YAP1: variants seen among roughly 807,000 people sequenced by gnomAD.
YAP1 encodes transcriptional coactivator YAP1.
Under a neutral mutation model 56.9 loss-of-function variants are expected in YAP1, and 5 were observed. The observed-to-expected ratio is 0.09, with a 90% CI of 0.05 to 0.18. YAP1 has a LOEUF of 0.18. Among genes scored for constraint, YAP1 ranks in the 10% least tolerant of loss-of-function variants. The pLI is 1.00. For missense variants in YAP1, 539 were observed against 651.8 expected (o/e 0.83, Z 1.88); for synonymous variants, 265 against 248.1 (o/e 1.07, Z -0.64).
chr11:102,196,874 T>G (rs1167317243), intron 4 of YAP1, among the ~76,000 whole-genome samples: 2 of 152,218 alleles, frequency 1.3e-5, no homozygotes. Context: ...CGTCTTTTCC[T>G]TTTCTTTTGT....
intron 3 of YAP1, among the ~76,000 whole-genome samples, chr11:102,183,739 T>TGTGTGTGTGTG (rs1565241068): frequency 8.0e-5 from 12 of 150,634 alleles, no homozygotes; most frequent in South Asian, 2.1e-4. Context: ...TGTGTGTGTG[T>TGTGTGTGTGTG]TTAAACCACA....
At chr11:102,112,790 T>C (rs1943040684) in intron 1 of YAP1, 5 of 984,886 alleles carry the variant, frequency 5.1e-6, no homozygotes, top group Middle Eastern at 5.2e-4. Flanking sequence ...TATGGACTCA[T>C]TGTGGGTAAA....
chr11:102,149,025 A>G (rs991341254), intron 2 of YAP1, among the ~76,000 whole-genome samples: 3 of 152,100 alleles, frequency 2.0e-5, no homozygotes, highest in South Asian at 2.1e-4. Context: ...TGGTATTCTG[A>G]TATCTTTTAC....
intron 2 of YAP1, among the ~76,000 whole-genome samples, chr11:102,115,989 CTCT>C (rs1179883582): frequency 6.6e-6 from 1 of 152,172 alleles, no homozygotes; most frequent in Admixed American, 6.5e-5. Flanking sequence ...AACATTTATG[CTCT>C]TCTTCTTAGT....
At chr11:102,161,327 C>T (rs982032743) in intron 2 of YAP1, among the ~76,000 whole-genome samples, 1 of 142,894 alleles carries the variant, frequency 7.0e-6, no homozygotes, top group African/African-American at 2.6e-5. Context: ...CTCCCAGAGT[C>T]TTTCTGTGTA....
chr11:102,182,695 G>GT (rs1451802583), intron 3 of YAP1, among the ~76,000 whole-genome samples: 1 of 152,174 alleles, frequency 6.6e-6, no homozygotes, highest in Non-Finnish European at 1.5e-5. Context: ...GACAAAGATA[G>GT]TGTGGTGAAA....
At chr11:102,224,654 A>G (rs1023793410) in intron 7 of YAP1, among the ~76,000 whole-genome samples, 14 of 147,890 alleles carry the variant, frequency 9.5e-5, no homozygotes, top group Admixed American at 5.5e-4. Context: ...ATTTAGTGCA[A>G]TAGAATTCAC....
intron 2 of YAP1, among the ~76,000 whole-genome samples, chr11:102,147,364 CAT>C (rs1945386096): frequency 6.6e-6 from 1 of 152,242 alleles, no homozygotes; most frequent in Admixed American, 6.5e-5. Context: ...AAGAGATAAA[CAT>C]ATTATAGTAA....
At chr11:102,146,788 C>G (rs555785350) in intron 2 of YAP1, among the ~76,000 whole-genome samples, 1 of 152,146 alleles carries the variant, frequency 6.6e-6, no homozygotes, top group African/African-American at 2.4e-5. Flanking sequence ...TCTGTGCTTG[C>G]CTTGCTTCTG....
At position 102,231,314 on chromosome 11, in the gene YAP1, A is replaced by G. The variant is rs1950428886; in HGVS notation, c.*1374A>G. ...TTTTCTTTGCCTTAGTTTTGGAAGT[A>G]AATTCTAGTTTGTAGTTCTCATTTG... On this transcript the variant is annotated 3_prime_UTR_variant, in exon 9 of 9. Transcript: ENST00000282441. 1 of 152,372 alleles carries G rather than the reference A, an allele frequency of 6.6e-6. No homozygotes were observed. Among genetic ancestry groups the G allele is most frequent in the South Asian group, 2.1e-4 (1 of 4,830 alleles). 9.4% of individuals were successfully genotyped at this position (152,372 alleles called of 1,614,324 possible).
intron 4 of YAP1, among the ~76,000 whole-genome samples, chr11:102,195,353 A>AG (rs1948519397): frequency 6.6e-6 from 1 of 152,096 alleles, no homozygotes; most frequent in African/African-American, 2.4e-5. Context: ...TTATGGTTGG[A>AG]GGAGGGGGAA....
intron 2 of YAP1, among the ~76,000 whole-genome samples, chr11:102,153,313 A>G (rs969651602): frequency 1.7e-4 from 26 of 152,214 alleles, no homozygotes; most frequent in Admixed American, 1.7e-3. Context: ...AGTGATTCAC[A>G]GATGGTTAAA....
chr11:102,117,618 G>A (rs532467693), intron 2 of YAP1, among the ~76,000 whole-genome samples: 8 of 152,250 alleles, frequency 5.3e-5, no homozygotes, highest in South Asian at 2.1e-4. Flanking sequence ...GCAATCATTC[G>A]TTGTTTTAAA....
At chr11:102,154,380 G>T (rs1324523635) in intron 2 of YAP1, among the ~76,000 whole-genome samples, 1 of 151,984 alleles carries the variant, frequency 6.6e-6, no homozygotes, top group East Asian at 1.9e-4. Context: ...TTGTAATTTG[G>T]TATTGAAAGA....
chr11:102,116,979 C>T (rs1943324924), intron 2 of YAP1, among the ~76,000 whole-genome samples: 1 of 152,074 alleles, frequency 6.6e-6, no homozygotes, highest in African/African-American at 2.4e-5. Flanking sequence ...AGAGTATCTG[C>T]TTTATGAACA....
chr11:102,164,759 G>A (rs562907576), intron 3 of YAP1, among the ~76,000 whole-genome samples: 15 of 151,860 alleles, frequency 9.9e-5, no homozygotes, highest in Non-Finnish European at 1.8e-4. Context: ...TTTTGCTCTT[G>A]TAGCCCAGGC....
intron 3 of YAP1, among the ~76,000 whole-genome samples, chr11:102,171,479 CTT>C (rs1427945295): frequency 6.6e-6 from 1 of 152,170 alleles, no homozygotes; most frequent in Admixed American, 6.5e-5. Context: ...AGGTTAAAAT[CTT>C]AATGAAAGGT....
At chr11:102,194,480 T>G (rs144336156) in intron 4 of YAP1, among the ~76,000 whole-genome samples, 1 of 152,332 alleles carries the variant, frequency 6.6e-6, no homozygotes, top group Non-Finnish European at 1.5e-5. Context: ...GAGAAACTAT[T>G]TTAGGATTTA....
chr11:102,145,442 A>G (rs538454002), intron 2 of YAP1, among the ~76,000 whole-genome samples: 6 of 152,322 alleles, frequency 3.9e-5, no homozygotes, highest in African/African-American at 1.4e-4. Context: ...CTCCTGCCCC[A>G]TAGAAGTTGC....
Sources: gnomAD v4.1 joint callset for allele counts (sites outside exome capture counted in the v4.1 genomes callset) on GRCh38, gnomAD v4.1.1 for gene constraint, MANE v1.5 for transcripts, NCBI Gene and HGNC (gene_info 2026-07-23, HGNC 2026-07-21) for gene names.